Variants in KCNH8 observed in about 807,000 individuals in gnomAD.
KCNH8 encodes potassium voltage-gated channel subfamily H member 8.
KCNH8 carries 70 observed loss-of-function variants against 103.6 expected under a neutral mutation model. The ratio of observed to expected loss-of-function variants is 0.68; its 90% CI spans 0.56 to 0.82. The LOEUF (loss-of-function observed/expected upper bound fraction) is 0.82, where lower values mean the gene tolerates loss of function less well. KCNH8 is among the 40% of genes least tolerant of loss of function. The probability of loss-of-function intolerance (pLI) is 0.00; values close to 1 mark genes in which losing one functional copy is unlikely to be tolerated. For synonymous variants in KCNH8, 498 were observed against 489.4 expected, an observed-to-expected ratio of 1.02 and a Z score of -0.23; for missense variants, 1,217 against 1,329.9, an observed-to-expected ratio of 0.92 and a Z score of 1.32.
At chr3:19,402,495 T>C (rs1019154975) in intron 7 of KCNH8, among the ~76,000 whole-genome samples, 1 of 151,844 alleles carries the variant, frequency 6.6e-6, no homozygotes, top group Non-Finnish European at 1.5e-5. Flanking sequence ...AGTTTGCAAA[T>C]TGAAAAGTGC....
chr3:19,446,663 T>A (rs1054156400), intron 8 of KCNH8, among the ~76,000 whole-genome samples: 3 of 151,752 alleles, frequency 2.0e-5, no homozygotes, highest in African/African-American at 7.3e-5. Flanking sequence ...TCCTTTTATA[T>A]CAGTAGAAAA....
intron 1 of KCNH8, among the ~76,000 whole-genome samples, chr3:19,208,889 G>A (rs1310243596): frequency 6.6e-6 from 1 of 151,938 alleles, no homozygotes; most frequent in African/African-American, 2.4e-5. Context: ...CAATGTTAAA[G>A]CAAGGGATCA....
chr3:19,491,357 T>G (rs1485467488), intron 11 of KCNH8, among the ~76,000 whole-genome samples: 1 of 152,126 alleles, frequency 6.6e-6, no homozygotes, highest in African/African-American at 2.4e-5. Flanking sequence ...GTCCCCAGTG[T>G]TTATTATTCC....
rs202105290 is a variant in KCNH8 at position 19,470,826 on chromosome 3, C to A, written c.2040+13844C>A. ...CAATCATATCTCAGCAACATTTTCA[C>A]AGAAACCCAATCCCTTATAAAAAAT... On this transcript the variant is annotated intron_variant, in intron 11 of 15. Coordinates refer to ENST00000328405, the MANE Select transcript of KCNH8 (RefSeq NM_144633.3). Among the ~76,000 whole-genome samples the A allele has an allele frequency of 2.6e-5, 4 of 152,292 alleles. No individual in the cohort carries two copies. The South Asian group carries it at 6.2e-4, about 24-fold the overall frequency.
At chr3:19,334,070 G>A (rs923910137) in intron 3 of KCNH8, among the ~76,000 whole-genome samples, 2 of 152,148 alleles carry the variant, frequency 1.3e-5, no homozygotes, top group Admixed American at 6.6e-5. Context: ...CTAAAACTGG[G>A]TGCTCTGCAG....
intron 1 of KCNH8, among the ~76,000 whole-genome samples, chr3:19,233,794 GGTGA>G (rs1456347852): frequency 3.9e-5 from 6 of 152,088 alleles, no homozygotes; most frequent in South Asian, 2.1e-4. Context: ...GGACCCTCGC[GGTGA>G]GTGTTACAGT....
intron 3 of KCNH8, among the ~76,000 whole-genome samples, chr3:19,304,219 C>A (rs1381817887): frequency 6.6e-6 from 1 of 152,098 alleles, no homozygotes; most frequent in Non-Finnish European, 1.5e-5. Context: ...TGACATCAGA[C>A]CTTGTCCATC....
At chr3:19,401,081 AACCAGT>A (rs1236775237) in intron 7 of KCNH8, among the ~76,000 whole-genome samples, 2 of 151,984 alleles carry the variant, frequency 1.3e-5, no homozygotes, top group African/African-American at 4.8e-5. Flanking sequence ...TTAAAACATA[AACCAGT>A]ACCTTAAGCC....
chr3:19,149,762 C>T (rs1227657476), intron 1 of KCNH8, among the ~76,000 whole-genome samples: 2 of 152,190 alleles, frequency 1.3e-5, no homozygotes, highest in East Asian at 1.9e-4. Context: ...TGCTTCTGTG[C>T]ACTGTCTTCC....
intron 15 of KCNH8, among the ~76,000 whole-genome samples, chr3:19,524,874 C>G (rs1323563769): frequency 1.3e-5 from 2 of 151,860 alleles, no homozygotes; most frequent in Non-Finnish European, 2.9e-5. Context: ...AGAACCACCC[C>G]TCTTGATAAT....
chr3:19,250,497 C>T (rs543380987), intron 1 of KCNH8, among the ~76,000 whole-genome samples: 114 of 152,236 alleles, frequency 7.5e-4, no homozygotes, highest in African/African-American at 2.3e-3. Flanking sequence ...CAAATACTAA[C>T]AAAGAAAGCT....
At chr3:19,507,873 C>G (rs1218134118) in intron 11 of KCNH8, among the ~76,000 whole-genome samples, 1 of 152,266 alleles carries the variant, frequency 6.6e-6, no homozygotes, top group East Asian at 1.9e-4. Flanking sequence ...AGCACTGTCC[C>G]AGGAAAACAC....
chr3:19,222,260 G>A (rs1284020949), intron 1 of KCNH8, among the ~76,000 whole-genome samples: 2 of 152,132 alleles, frequency 1.3e-5, no homozygotes, highest in Admixed American at 6.5e-5. Context: ...TCTACATGGG[G>A]CTATGCCCTT....
At chr3:19,351,530 G>A (rs186769486) in intron 5 of KCNH8, among the ~76,000 whole-genome samples, 109 of 152,224 alleles carry the variant, frequency 7.2e-4, no homozygotes, top group African/African-American at 2.4e-3. Context: ...GACTAACAGC[G>A]GATCTCTTGG....
At chr3:19,239,722 A>G (rs1273656352) in intron 1 of KCNH8, among the ~76,000 whole-genome samples, 1 of 152,046 alleles carries the variant, frequency 6.6e-6, no homozygotes, top group Non-Finnish European at 1.5e-5. Flanking sequence ...TATCTAATCT[A>G]GTTTCCTAAT....
intron 11 of KCNH8, among the ~76,000 whole-genome samples, chr3:19,503,064 C>G (rs1371528359): frequency 6.6e-6 from 1 of 151,456 alleles, no homozygotes; most frequent in East Asian, 1.9e-4. Flanking sequence ...CTACAATGAA[C>G]TCAAACAAAT....
chr3:19,212,782 G>A (rs181123838), intron 1 of KCNH8, among the ~76,000 whole-genome samples: 17 of 152,234 alleles, frequency 1.1e-4, no homozygotes, highest in Admixed American at 9.2e-4. Flanking sequence ...TTAATTTTGA[G>A]CATATCAGCA....
At chr3:19,219,454 C>G (rs990708027) in intron 1 of KCNH8, among the ~76,000 whole-genome samples, 1 of 152,112 alleles carries the variant, frequency 6.6e-6, no homozygotes, top group Non-Finnish European at 1.5e-5. Context: ...ATCCAAGCAC[C>G]TACAACTGAA....
intron 11 of KCNH8, among the ~76,000 whole-genome samples, chr3:19,492,004 A>G (rs529804307): frequency 2.5e-4 from 38 of 152,192 alleles, no homozygotes; most frequent in African/African-American, 8.9e-4. Flanking sequence ...TCTTTTGCTC[A>G]CTTTTTAATG....
Sources: allele counts gnomAD v4.1 joint callset (sites outside exome capture counted in the v4.1 genomes callset), GRCh38; gene constraint gnomAD v4.1.1; transcripts MANE v1.5; gene names NCBI Gene and HGNC (gene_info 2026-07-23, HGNC 2026-07-21).